Variants in CIITA observed in about 807,000 individuals in gnomAD.
CIITA encodes MHC class II transactivator.
CIITA carries 72 observed loss-of-function variants against 115.1 expected under a neutral mutation model. The observed-to-expected ratio is 0.63, with a 90% CI of 0.52 to 0.76. The LOEUF (loss-of-function observed/expected upper bound fraction) is 0.76, where lower values mean the gene tolerates loss of function less well. Among genes scored for constraint, CIITA ranks in the 30% least tolerant of loss-of-function variants. The probability of loss-of-function intolerance (pLI) is 0.00; values close to 1 mark genes in which losing one functional copy is unlikely to be tolerated. For synonymous variants in CIITA, 763 were observed against 635.6 expected, an observed-to-expected ratio of 1.20 and a Z score of -3.02; for missense variants, 1,617 against 1,463.8, an observed-to-expected ratio of 1.10 and a Z score of -1.71.
In CIITA at chr16:10,935,954, C is replaced by T. The variant is rs1479252515; in HGVS notation, c.*12099C>T. 1 of 151,866 alleles carries T rather than the reference C, an allele frequency of 6.6e-6. No individual in the cohort carries two copies. The highest frequency in any genetic ancestry group is 2.4e-5 in the African/African-American group (1 of 41,370). The allele number at this position is 151,866 out of a possible 1,614,324, so 9.4% of individuals were successfully genotyped here. A position where few individuals can be genotyped will look rare whatever the true frequency, so the allele number is the denominator to read the frequency against. Reference sequence around the variant, plus strand: ...GGATTGCATCTTGGACCTCAACTCTCCCCTTTTTATTGTTAAGGGACACTA... The same window carrying T: ...GGATTGCATCTTGGACCTCAACTCTTCCCTTTTTATTGTTAAGGGACACTA... On this transcript the variant is annotated 3_prime_UTR_variant, in exon 20 of 20. Coordinates refer to ENST00000324288, the MANE Select transcript of CIITA (RefSeq NM_000246.4).
chr16:10,936,198 G>T lies in CIITA; in HGVS notation c.*12343G>T, dbSNP rs749175650. 1 of 151,844 alleles carries T rather than the reference G, an allele frequency of 6.6e-6. No individual in the cohort carries two copies. The highest frequency in any genetic ancestry group is 1.5e-5 in the Non-Finnish European group (1 of 67,996). 9.4% of individuals were successfully genotyped at this position (151,844 alleles called of 1,614,324 possible). A position where few individuals can be genotyped will look rare whatever the true frequency, so the allele number is the denominator to read the frequency against. Reference sequence around the variant, plus strand: ...TTTTGTAGAGACGGGGTCTCACTATGTTGCCCAGGCTGGTTTCAAACTCAA... The same window carrying T: ...TTTTGTAGAGACGGGGTCTCACTATTTTGCCCAGGCTGGTTTCAAACTCAA... On this transcript the variant is annotated 3_prime_UTR_variant, in exon 20 of 20. Coordinates refer to ENST00000324288, the MANE Select transcript of CIITA (RefSeq NM_000246.4).
In CIITA at chr16:10,901,462, T is replaced by A; in HGVS notation, c.437-52T>A. 6.2e-7 allele frequency: 1 copy of A among 1,605,226 alleles called. No individual in the cohort carries two copies. The highest frequency in any genetic ancestry group is 2.2e-5 in the East Asian group (1 of 44,828). ...GCCTGCTAGAGTCCTGAGCCCCTTCTGGCTTGGGACATCCTCTCCCTGGGG... is the reference window on the plus strand; with the variant it reads ...GCCTGCTAGAGTCCTGAGCCCCTTCAGGCTTGGGACATCCTCTCCCTGGGG... On this transcript the variant is annotated intron_variant, in intron 5 of 19. Transcript: ENST00000324288. The surrounding 1 kb of genome is among the most constrained non-coding windows in gnomAD (Gnocchi z 6.8).
intron 10 of CIITA, among the ~76,000 whole-genome samples, chr16:10,905,442 A>AT (rs2039071608): frequency 6.6e-6 from 1 of 152,176 alleles, no homozygotes. Context: ...CAAGCGAAGA[A>AT]AAAGCTTAGT....
rs1464746147 is a variant in CIITA, at chr16:10,927,918, T to A, written c.*4063T>A. On this transcript the variant is annotated 3_prime_UTR_variant, in exon 20 of 20. Transcript: ENST00000324288. ...GCTGCTCGGAGGAATCAGGGCATGA[T>A]AGTGCAATTCCATGTCCAGTGGATT... 1 of 152,246 alleles carries A rather than the reference T, an allele frequency of 6.6e-6. No individual in the cohort carries two copies. The highest frequency in any genetic ancestry group is 2.4e-5 in the African/African-American group (1 of 41,448). 9.4% of individuals were successfully genotyped at this position (152,246 alleles called of 1,614,324 possible). A position where few individuals can be genotyped will look rare whatever the true frequency, so the allele number is the denominator to read the frequency against.
intron 1 of CIITA, 74 bp from the exon 2 acceptor site, chr16:10,895,208 A>T: frequency 6.4e-7 from 1 of 1,563,348 alleles, no homozygotes; most frequent in Non-Finnish European, 8.8e-7. Context: ...ACCAGCTGGG[A>T]GTTGTTGTAG....
At chr16:10,888,831 G>A (rs970631369) in intron 1 of CIITA, 2 of 152,230 alleles carry the variant, frequency 1.3e-5, no homozygotes, top group African/African-American at 4.8e-5. Flanking sequence ...GGTGCTGGGG[G>A]GCCAACAGCA....
Position 10,901,478 on chromosome 16 carries a change from C to T in CIITA, c.437-36C>T, listed in dbSNP as rs998822239. The T allele has an allele frequency of 1.2e-6, 2 of 1,613,458 alleles. No individual in the cohort carries two copies. Among genetic ancestry groups the T allele is most frequent in the East Asian group, 4.5e-5 (2 of 44,870 alleles). On this transcript the variant is annotated intron_variant, in intron 5 of 19. Transcript: ENST00000324288. This position sits in a 1 kb window ranked among gnomAD's most constrained non-coding sequence, Gnocchi z 6.8. ...AGCCCCTTCTGGCTTGGGACATCCT[C>T]TCCCTGGGGCAGCTGATCACATGTT... is the stretch of plus-strand genomic sequence containing the variant.
intron 5 of CIITA, among the ~76,000 whole-genome samples, chr16:10,899,953 C>T (rs1415191083): frequency 7.2e-5 from 11 of 152,040 alleles, no homozygotes; most frequent in Non-Finnish European, 1.2e-4. Flanking sequence ...TGGTGGTGCA[C>T]GCCTGTAATC....
At chr16:10,905,312 C>T (rs1236406779) in intron 10 of CIITA, among the ~76,000 whole-genome samples, 3 of 152,222 alleles carry the variant, frequency 2.0e-5, no homozygotes, top group African/African-American at 7.2e-5. Context: ...GGATGTATAG[C>T]ATGCTCAGAA....
rs373871771 is a variant in CIITA, at chr16:10,895,320, G to A, written c.91G>A (p.Glu31Lys). The change falls in exon 2 of 20, where the codon GAA (glutamate) becomes AAA (lysine). Residue 31 changes from glutamate to lysine, a missense_variant. Coordinates refer to ENST00000324288, the MANE Select transcript of CIITA (RefSeq NM_000246.4). Reference sequence around the variant, plus strand: ...TGCCACCATGGAGTTGGGGCCCCTAGAAGGTGGCTACCTGGAGCTTCTTAA... The same window carrying A: ...TGCCACCATGGAGTTGGGGCCCCTAAAAGGTGGCTACCTGGAGCTTCTTAA... ...QCATMELGPL[E>K]GGYLELLNSD... 2 of 1,613,964 alleles carry A rather than the reference G, an allele frequency of 1.2e-6. No homozygotes were observed. Among genetic ancestry groups the A allele is most frequent in the East Asian group, 2.2e-5 (1 of 44,892 alleles).
In CIITA at chr16:10,922,086, T is replaced by A. The variant is rs868560754; in HGVS notation, c.3150-81T>A. The A allele has an allele frequency of 6.2e-5, 79 of 1,271,774 alleles. 3 individuals carry two copies. The Middle Eastern group carries it at 8.6e-3, about 138-fold the overall frequency. 78.8% of individuals were successfully genotyped at this position (1,271,774 alleles called of 1,614,324 possible). On this transcript the variant is annotated intron_variant, in intron 16 of 19. Transcript: ENST00000324288. ...AGGGATAGTGGGACCAGGCTTTTTC[T>A]GGAATCTAGGGATGGTGGCTTCTGG...
At chr16:10,909,006 G>T in intron 11 of CIITA, 23 bp from the exon 12 acceptor site, 1 of 1,613,978 alleles carries the variant, frequency 6.2e-7, no homozygotes, top group South Asian at 1.1e-5. Flanking sequence ...ACCGTGCCTG[G>T]GTCTGAGGCC....
chr16:10,918,565 G>T (rs762588975), intron 16 of CIITA, 39 bp downstream of exon 16: 3 of 1,582,966 alleles, frequency 1.9e-6, no homozygotes, highest in Non-Finnish European at 2.6e-6. Context: ...TGCTGAGCTG[G>T]GGGGCTGCAG....
At chr16:10,921,019 C>A (rs1227335619) in intron 16 of CIITA, among the ~76,000 whole-genome samples, 1 of 152,210 alleles carries the variant, frequency 6.6e-6, no homozygotes, top group Non-Finnish European at 1.5e-5. Context: ...TAGGCATGTG[C>A]CATCACACCC....
intron 10 of CIITA, 151 bp from the exon 11 acceptor site, chr16:10,906,347 CA>C (rs2039148456): frequency 1.0e-6 from 1 of 994,814 alleles, no homozygotes; most frequent in Non-Finnish European, 1.5e-6. Context: ...GCAAAAAAGC[CA>C]GACCCTGTCT....
chr16:10,889,827 G>GA (rs1204010227), intron 1 of CIITA, among the ~76,000 whole-genome samples: 1 of 152,130 alleles, frequency 6.6e-6, no homozygotes, highest in East Asian at 1.9e-4. Flanking sequence ...CTAATATTGG[G>GA]AAAACTGATG....
chr16:10,912,070 G>C (rs1027883315), intron 13 of CIITA, among the ~76,000 whole-genome samples: 1 of 152,186 alleles, frequency 6.6e-6, no homozygotes, highest in Admixed American at 6.6e-5. Flanking sequence ...TAGGGGTCTA[G>C]ATCATCTAAT....
At position 10,877,364 on chromosome 16, in the gene CIITA, T is replaced by C. The variant is rs1266131859; in HGVS notation, c.34T>C (p.Tyr12His). The change falls in exon 1 of 20, where the codon TAC becomes CAC. Residue 12 changes from tyrosine (Y) to histidine (H), a missense_variant. Transcript: ENST00000324288. The part of the protein sequence containing the change: ...RCLAPRPAGS[Y>H]LSEPQGSSQC... ...CCTGGCTCCACGCCCTGCTGGGTCC[T>C]ACCTGTCAGAGCCCCAAGGTAAAAA... 7 of 1,613,420 alleles carry C rather than the reference T, an allele frequency of 4.3e-6. No homozygotes were observed. The highest frequency in any genetic ancestry group is 5.9e-6 in the Non-Finnish European group (7 of 1,179,630).
intron 15 of CIITA, chr16:10,916,838 A>G: frequency 2.6e-6 from 1 of 380,280 alleles, no homozygotes; most frequent in East Asian, 4.4e-5. Flanking sequence ...CCAACCATTT[A>G]TTAATTTAAT....
Sources: allele counts gnomAD v4.1 joint callset (sites outside exome capture counted in the v4.1 genomes callset), GRCh38; gene constraint gnomAD v4.1.1; non-coding constraint Gnocchi (gnomAD v3.1); transcripts MANE v1.5; gene names NCBI Gene and HGNC (gene_info 2026-07-23, HGNC 2026-07-21).